AHCTF1: variants seen among roughly 807,000 people sequenced by gnomAD.
The protein encoded by AHCTF1 is AT-hook containing transcription factor 1.
A neutral mutation model predicts 248.4 loss-of-function variants in AHCTF1; 24 were observed. The observed-to-expected ratio is 0.10, with a 90% CI of 0.07 to 0.14. The LOEUF (loss-of-function observed/expected upper bound fraction) is 0.14. Ranked by LOEUF, AHCTF1 falls within the 10% of genes least tolerant of loss-of-function variation. AHCTF1 has a pLI of 1.00. For synonymous variants in AHCTF1, 786 were observed against 929.8 expected (o/e 0.85, Z 2.81); for missense variants, 2,206 against 2,636.2 (o/e 0.84, Z 3.57).
chr1:246,931,079 C>A, intron 1 of AHCTF1: 1 of 1,544,334 alleles, frequency 6.5e-7, no homozygotes, highest in Non-Finnish European at 8.7e-7. Flanking sequence ...TGAGCTGGAA[C>A]CTCACGGCTG....
At chr1:246,843,313 T>G (rs1441573524) in intron 34 of AHCTF1, among the ~76,000 whole-genome samples, 1 of 152,250 alleles carries the variant, frequency 6.6e-6, no homozygotes, top group African/African-American at 2.4e-5. Flanking sequence ...ACTGTGTATC[T>G]CAGTTGAACT....
At chr1:246,924,317 T>G (rs1401481630) in intron 1 of AHCTF1, among the ~76,000 whole-genome samples, 2 of 152,192 alleles carry the variant, frequency 1.3e-5, no homozygotes, top group Admixed American at 1.3e-4. Context: ...CATACAATAA[T>G]CTCTATGAAT....
chr1:246,920,430 G>A (rs1043312473), intron 1 of AHCTF1, among the ~76,000 whole-genome samples: 1 of 152,060 alleles, frequency 6.6e-6, no homozygotes, highest in Non-Finnish European at 1.5e-5. Flanking sequence ...ATGGAGCAAT[G>A]AGAGTGAATC....
At chr1:246,915,166 C>T (rs1375343281) in intron 3 of AHCTF1, among the ~76,000 whole-genome samples, 1 of 152,072 alleles carries the variant, frequency 6.6e-6, no homozygotes, top group East Asian at 1.9e-4. Flanking sequence ...CCCATCTCTA[C>T]TAAAAATACA....
intron 13 of AHCTF1, 49 bp from the exon 14 acceptor site, chr1:246,894,797 C>G (rs1664452741): frequency 2.6e-6 from 4 of 1,509,764 alleles, no homozygotes. Flanking sequence ...TAATTACAAA[C>G]AGAGTTCTAA....
intron 21 of AHCTF1, among the ~76,000 whole-genome samples, chr1:246,881,462 C>T (rs973873367): frequency 2.6e-5 from 4 of 152,150 alleles, no homozygotes; most frequent in Non-Finnish European, 4.4e-5. Flanking sequence ...ATATATTTGA[C>T]ATTTCACCTA....
At chr1:246,874,331 G>A (rs550400162) in intron 24 of AHCTF1, among the ~76,000 whole-genome samples, 4 of 152,142 alleles carry the variant, frequency 2.6e-5, no homozygotes, top group African/African-American at 4.8e-5. Context: ...AGACAAATAC[G>A]TGTCCCTCTG....
At chr1:246,848,828 C>T (rs1219449125) in intron 33 of AHCTF1, among the ~76,000 whole-genome samples, 2 of 147,608 alleles carry the variant, frequency 1.4e-5, no homozygotes, top group African/African-American at 5.1e-5. Flanking sequence ...CCAGCCTGGG[C>T]GACAGAGTGA....
At chr1:246,864,299 A>G in intron 26 of AHCTF1, 183 bp from the exon 27 acceptor site, 1 of 616,434 alleles carries the variant, frequency 1.6e-6, no homozygotes, top group Non-Finnish European at 2.7e-6. Context: ...TTCATCGCAA[A>G]ACAGAATTAA....
rs1319872566 is a variant in AHCTF1 at position 246,905,465 on chromosome 1, C to G, written c.881+76G>C. The G allele has an allele frequency of 9.7e-6, 12 of 1,240,966 alleles. No individual in the cohort carries two copies. The Admixed American group carries it at 1.1e-4, about 11-fold the overall frequency. 76.9% of individuals were successfully genotyped at this position (1,240,966 alleles called of 1,614,324 possible). On this transcript the variant is annotated intron_variant, in intron 6 of 35. Coordinates refer to ENST00000648844, the MANE Select transcript of AHCTF1 (RefSeq NM_001323342.2). ...TGAGCCGAAATCACGCCACTGCACT[C>G]CAGCCTGGACAACAGAGCGAGACTC...
At chr1:246,902,492 T>A in intron 8 of AHCTF1, 33 bp downstream of exon 8, 1 of 1,577,372 alleles carries the variant, frequency 6.3e-7, no homozygotes, top group Admixed American at 1.8e-5. Context: ...AAATCCAGCC[T>A]TCACATGACA....
At chr1:246,904,109 T>A in intron 6 of AHCTF1, 76 bp from the exon 7 acceptor site, 1 of 1,326,174 alleles carries the variant, frequency 7.5e-7, no homozygotes, top group Non-Finnish European at 1.1e-6. Context: ...GTAAGTTTAG[T>A]TTGCTTGCAA....
chr1:246,904,710 G>A (rs1665260726), intron 6 of AHCTF1, among the ~76,000 whole-genome samples: 1 of 152,188 alleles, frequency 6.6e-6, no homozygotes. Context: ...CACGAAGCAT[G>A]CAGTAAGTGT....
intron 33 of AHCTF1, among the ~76,000 whole-genome samples, chr1:246,848,637 G>A (rs1572357184): frequency 1.3e-5 from 2 of 151,920 alleles, no homozygotes. Flanking sequence ...AGGCTGGGGC[G>A]GGTGGATCAC....
At chr1:246,916,065 A>G (rs918160049) in intron 3 of AHCTF1, 77 bp downstream of exon 3, 1 of 1,498,422 alleles carries the variant, frequency 6.7e-7, no homozygotes, top group Non-Finnish European at 8.9e-7. Context: ...TGAAATTTCA[A>G]AAAGTAACAC....
intron 21 of AHCTF1, 39 bp from the exon 22 acceptor site, chr1:246,877,341 G>A: frequency 6.6e-7 from 1 of 1,515,078 alleles, no homozygotes; most frequent in Non-Finnish European, 8.8e-7. Flanking sequence ...TTTAGAAAAA[G>A]CTATTTAAAT....
At chr1:246,928,932 C>T (rs1212414650) in intron 1 of AHCTF1, among the ~76,000 whole-genome samples, 1 of 152,094 alleles carries the variant, frequency 6.6e-6, no homozygotes. Flanking sequence ...TTTAAAACAC[C>T]GTGTTAGTAA....
chr1:246,869,331 A>G (rs771310818), intron 24 of AHCTF1, among the ~76,000 whole-genome samples: 3 of 151,884 alleles, frequency 2.0e-5, no homozygotes, highest in Non-Finnish European at 4.4e-5. Context: ...TAATAACCCT[A>G]CAAAGACCTC....
intron 24 of AHCTF1, among the ~76,000 whole-genome samples, chr1:246,873,936 A>G (rs2103099075): frequency 6.6e-6 from 1 of 152,312 alleles, no homozygotes; most frequent in Non-Finnish European, 1.5e-5. Flanking sequence ...AGGCACTAGG[A>G]TATTCGTCCA....
Sources: gnomAD v4.1 joint callset for allele counts (sites outside exome capture counted in the v4.1 genomes callset) on GRCh38, gnomAD v4.1.1 for gene constraint, MANE v1.5 for transcripts, NCBI Gene and HGNC (gene_info 2026-07-23, HGNC 2026-07-21) for gene names.